Variants in TMEM233 observed in about 807,000 individuals in gnomAD.
The protein encoded by TMEM233 is transmembrane protein 233.
A neutral mutation model predicts 11.2 loss-of-function variants in TMEM233; 6 were observed. That is an observed-to-expected ratio of 0.54 (90% CI 0.29 to 1.06). The LOEUF is 1.06. Among genes scored for constraint, TMEM233 ranks in the 50% least tolerant of loss-of-function variants. The pLI, the probability that TMEM233 is intolerant of heterozygous loss-of-function variation, is 0.08. For missense variants in TMEM233, 127 were observed against 144.7 expected, an observed-to-expected ratio of 0.88 and a Z score of 0.63; for synonymous variants, 59 against 55.8, an observed-to-expected ratio of 1.06 and a Z score of -0.26.
intron 2 of TMEM233, among the ~76,000 whole-genome samples, chr12:119,637,594 G>A (rs777183031): frequency 1.3e-5 from 2 of 152,170 alleles, no homozygotes; most frequent in Non-Finnish European, 2.9e-5. Flanking sequence ...TTTGGCTGGG[G>A]AAAGGCTTTC....
chr12:119,647,454 A>AT (rs1214614421), downstream of TMEM233, among the ~76,000 whole-genome samples: 1 of 151,618 alleles, frequency 6.6e-6, no homozygotes, highest in Non-Finnish European at 1.5e-5. Context: ...TTTATTCTTC[A>AT]TTTTTTTTGT....
At chr12:119,624,592 A>T (rs976362388) in intron 1 of TMEM233, among the ~76,000 whole-genome samples, 13 of 152,134 alleles carry the variant, frequency 8.5e-5, no homozygotes, top group African/African-American at 3.1e-4. Context: ...CCCCCCAAAA[A>T]ACAAATACTG....
chr12:119,627,150 T>C (rs914906460), intron 1 of TMEM233, among the ~76,000 whole-genome samples: 1 of 152,218 alleles, frequency 6.6e-6, no homozygotes, highest in African/African-American at 2.4e-5. Context: ...CAGCCGTGGC[T>C]TGGGCATGGA....
chr12:119,640,856 G>GAAAAAAAAAAAAAAAAAAAAACAAAAA lies in TMEM233; in HGVS notation c.*168_*169insAAAACAAAAAAAAAAAAAAAAAAAAAA, dbSNP rs56347532. 2 of 361,112 alleles carry GAAAAAAAAAAAAAAAAAAAAACAAAAA rather than the reference G, an allele frequency of 5.5e-6. No homozygotes were observed. Among genetic ancestry groups the GAAAAAAAAAAAAAAAAAAAAACAAAAA allele is most frequent in the Non-Finnish European group, 4.1e-6 (1 of 245,490 alleles). The allele number at this position is 361,112 out of a possible 1,614,324, so 22.4% of individuals were successfully genotyped here. The stretch of plus-strand genomic sequence containing the variant: ...AGGCAGGTCCCTGGCAAATGAACAA[G>GAAAAAAAAAAAAAAAAAAAAACAAAAA]AAAAAAAAAAAAAAAAAGTCCAAAA... On this transcript the variant is annotated 3_prime_UTR_variant, in exon 3 of 3. Coordinates refer to ENST00000426426, the MANE Select transcript of TMEM233 (RefSeq NM_001136534.3).
chr12:119,616,002 C>T (rs1460905293), intron 1 of TMEM233, among the ~76,000 whole-genome samples: 4 of 152,132 alleles, frequency 2.6e-5, no homozygotes, highest in Non-Finnish European at 2.9e-5. Flanking sequence ...GCTTTCCCCC[C>T]GTGGGTATTT....
intron 1 of TMEM233, among the ~76,000 whole-genome samples, chr12:119,620,891 T>G (rs917727680): frequency 3.3e-5 from 5 of 152,180 alleles, no homozygotes; most frequent in Non-Finnish European, 5.9e-5. Context: ...ATATTTTTTA[T>G]TTTTTCAGAT....
chr12:119,603,745 G>T (rs1954212657), intron 1 of TMEM233, among the ~76,000 whole-genome samples: 1 of 152,072 alleles, frequency 6.6e-6, no homozygotes, highest in Non-Finnish European at 1.5e-5. Context: ...TACACTGTTA[G>T]CCCCAGCACC....
chr12:119,629,857 T>C lies in TMEM233; in HGVS notation c.308T>C (p.Val103Ala). The C allele has an allele frequency of 6.4e-7, 1 of 1,551,048 alleles. No homozygotes were observed. Among genetic ancestry groups the C allele is most frequent in the Non-Finnish European group, 8.7e-7 (1 of 1,146,792 alleles). The change falls in exon 2 of 3, where the codon GTT (valine) becomes GCT (alanine). Residue 103 changes from valine to alanine, a missense_variant. Transcript: ENST00000426426. ...CTCATCATCGGCATTTCTTGTGCAG[T>C]TCACTTCACAAGGAAGTAAGTAGGC... Reference protein sequence around the residue: ...GLLIIGISCAVHFTRNA With the variant: ...GLLIIGISCAAHFTRNA
the TMEM233 span, among the ~76,000 whole-genome samples, chr12:119,649,954 C>T: frequency 1.3e-5 from 2 of 149,764 alleles, no homozygotes; most frequent in South Asian, 4.2e-4. Context: ...GTAAGGAGAT[C>T]AAGACCACCC....
intron 1 of TMEM233, among the ~76,000 whole-genome samples, chr12:119,621,372 A>G (rs1390637514): frequency 6.6e-6 from 1 of 152,074 alleles, no homozygotes; most frequent in Non-Finnish European, 1.5e-5. Flanking sequence ...TGTAGAGACA[A>G]GGGTCTTGCT....
chr12:119,642,545 C>T lies in TMEM233; in HGVS notation c.*1840C>T, dbSNP rs571130663. On this transcript the variant is annotated 3_prime_UTR_variant, in exon 3 of 3. Coordinates refer to ENST00000426426, the MANE Select transcript of TMEM233 (RefSeq NM_001136534.3). ...GCTGAGAGTCAATACCTAGTTCCAA[C>T]GCCCTTTTGTTTTTGCAGGGTTTTT... The T allele has an allele frequency of 2.0e-5, 3 of 152,216 alleles. No homozygotes were observed. The highest frequency in any genetic ancestry group is 6.5e-5 in the Admixed American group (1 of 15,286). The allele number at this position is 152,216 out of a possible 1,614,324, so 9.4% of individuals were successfully genotyped here.
chr12:119,600,283 T>A (rs1593275379), intron 1 of TMEM233, among the ~76,000 whole-genome samples: 3 of 135,032 alleles, frequency 2.2e-5, no homozygotes, highest in African/African-American at 5.6e-5. Flanking sequence ...CCCCAGAGAA[T>A]AAGAAACTAT....
At position 119,621,681 on chromosome 12, in the gene TMEM233, C is replaced by T. The variant is rs1308102180; in HGVS notation, c.187-8055C>T. Among the ~76,000 whole-genome samples the T allele has an allele frequency of 2.0e-5, 3 of 152,162 alleles. 1 individual carries two copies. Among genetic ancestry groups the T allele is most frequent in the Non-Finnish European group, 4.4e-5 (3 of 68,042 alleles). On this transcript the variant is annotated intron_variant, in intron 1 of 2. Coordinates refer to ENST00000426426, the MANE Select transcript of TMEM233 (RefSeq NM_001136534.3). Reference sequence around the variant, plus strand: ...GCTCATAGTGTTGTGAGGACCAATACAATAATCCTTGAAAAACATTTAACA... The same window carrying T: ...GCTCATAGTGTTGTGAGGACCAATATAATAATCCTTGAAAAACATTTAACA...
intron 2 of TMEM233, among the ~76,000 whole-genome samples, chr12:119,633,046 A>T (rs189015805): frequency 6.6e-6 from 1 of 152,096 alleles, no homozygotes; most frequent in African/African-American, 2.4e-5. Flanking sequence ...TGTTAGGAAT[A>T]AAAGGTATGA....
intron 2 of TMEM233, among the ~76,000 whole-genome samples, chr12:119,632,039 A>T (rs1954896318): frequency 6.6e-6 from 1 of 152,210 alleles, no homozygotes; most frequent in African/African-American, 2.4e-5. Context: ...GTTCTAAGGG[A>T]ATGAGACCAA....
chr12:119,607,416 G>T (rs1020515033), intron 1 of TMEM233, among the ~76,000 whole-genome samples: 5 of 152,030 alleles, frequency 3.3e-5, no homozygotes, highest in African/African-American at 1.2e-4. Context: ...TGAATTAAAT[G>T]GGATAATATA....
chr12:119,649,615 C>T, the TMEM233 span, among the ~76,000 whole-genome samples: 9 of 152,004 alleles, frequency 5.9e-5, no homozygotes, highest in Non-Finnish European at 1.0e-4. Context: ...TGCTTTGGAA[C>T]CAGATTTTTG....
chr12:119,626,341 G>A (rs939770792), intron 1 of TMEM233, among the ~76,000 whole-genome samples: 1 of 151,856 alleles, frequency 6.6e-6, no homozygotes. Context: ...GTGGTGGCAG[G>A]CACCTTTAGT....
Position 119,594,095 on chromosome 12 carries a change from G to A in TMEM233, c.186+61G>A. 6.6e-7 allele frequency: 1 copy of A among 1,510,954 alleles called. No individual in the cohort carries two copies. Among genetic ancestry groups the A allele is most frequent in the Non-Finnish European group, 8.9e-7 (1 of 1,119,418 alleles). The allele number at this position is 1,510,954 out of a possible 1,614,324, so 93.6% of individuals were successfully genotyped here. ...GAGACCCGGGCGGCTTTGAGCCCCT[G>A]CAGGGGAGTCCGCGCGCTCTCTGCG... On this transcript the variant is annotated intron_variant, in intron 1 of 2. Coordinates refer to ENST00000426426, the MANE Select transcript of TMEM233 (RefSeq NM_001136534.3). The surrounding 1 kb of genome is among the most constrained non-coding windows in gnomAD (Gnocchi z 5.6).
Sources: gnomAD v4.1 joint callset for allele counts (sites outside exome capture counted in the v4.1 genomes callset) on GRCh38, gnomAD v4.1.1 for gene constraint, Gnocchi (gnomAD v3.1) non-coding constraint, MANE v1.5 for transcripts, NCBI Gene and HGNC (gene_info 2026-07-23, HGNC 2026-07-21) for gene names.